HTT: variants seen among roughly 807,000 people sequenced by gnomAD.
The protein encoded by HTT is huntington disease protein.
Under a neutral mutation model 362.3 loss-of-function variants are expected in HTT, and 104 were observed. The ratio of observed to expected loss-of-function variants is 0.29; its 90% CI spans 0.24 to 0.34. The LOEUF (loss-of-function observed/expected upper bound fraction) is 0.34, where lower values mean the gene tolerates loss of function less well. Ranked by LOEUF, HTT falls within the 10% of genes least tolerant of loss-of-function variation. The pLI, the probability that HTT is intolerant of heterozygous loss-of-function variation, is 1.00. For synonymous variants in HTT, 1,577 were observed against 1,548.7 expected (o/e 1.02, Z -0.43); for missense variants, 3,301 against 3,928.6 (o/e 0.84, Z 4.27).
intron 23 of HTT, among the ~76,000 whole-genome samples, chr4:3,144,354 G>T (rs1311120268): frequency 6.6e-6 from 1 of 152,156 alleles, no homozygotes; most frequent in African/African-American, 2.4e-5. Context: ...ATCTCACTCT[G>T]TTGCCCAGGC....
chr4:3,134,435 G>C lies in HTT; in HGVS notation c.2528G>C (p.Ser843Thr), dbSNP rs754937373. The change falls in exon 19 of 67, where the codon AGT becomes ACT. Residue 843 changes from serine (S) to threonine (T), a missense_variant. By Grantham distance (58) the Ser-to-Thr change is moderately conservative (BLOSUM62 1). Coordinates refer to ENST00000355072, the MANE Select transcript of HTT (RefSeq NM_001388492.1). ...CVMSLCSSSY[S>T]ELGLQLIIDV... ...ATGAGTCTCTGCAGCAGCAGCTACAGTGAGTTAGGACTGCAGCTGATCATC... is the reference window on the plus strand; with the variant it reads ...ATGAGTCTCTGCAGCAGCAGCTACACTGAGTTAGGACTGCAGCTGATCATC... The C allele has an allele frequency of 6.2e-7, 1 of 1,614,138 alleles. No individual in the cohort carries two copies. The highest frequency in any genetic ancestry group is 8.5e-7 in the Non-Finnish European group (1 of 1,179,998).
intron 60 of HTT, among the ~76,000 whole-genome samples, chr4:3,232,682 C>T (rs1346355209): frequency 1.3e-5 from 2 of 152,244 alleles, no homozygotes; most frequent in Admixed American, 6.5e-5. Context: ...GCCCATGGGG[C>T]GATGTCCCGA....
Position 3,178,337 on chromosome 4 carries a change from G to A in HTT, c.4503G>A (p.Leu1501=). 3 of 1,610,230 alleles carry A rather than the reference G, an allele frequency of 1.9e-6. No individual in the cohort carries two copies. In the Admixed American group the frequency reaches 5.0e-5, roughly 27 times the overall value. ...EAIIPNIFFF[L]VLLSYERYHS... The stretch of plus-strand genomic sequence containing the variant: ...TCATTCCAAACATCTTTTTCTTCTT[G>A]GTATTACTATCTTATGAACGCTATC... Residue 1501 remains leucine, a synonymous_variant, in exon 35 of 67, where the codon TTG becomes TTA. Transcript: ENST00000355072.
intron 18 of HTT, 103 bp from the exon 19 acceptor site, chr4:3,134,298 C>A: frequency 1.0e-6 from 1 of 999,994 alleles, no homozygotes; most frequent in Non-Finnish European, 1.5e-6. Flanking sequence ...GCAGTTAAAC[C>A]CAGAACATTG....
rs112287988 is a variant in HTT at position 3,223,355 on chromosome 4, G to C, written c.7471-51G>C. On this transcript the variant is annotated intron_variant, in intron 54 of 66. Coordinates refer to ENST00000355072, the MANE Select transcript of HTT (RefSeq NM_001388492.1). ...AAGACTCTGGGTTCTGCAGGCAGAG[G>C]TGGTTGTGGGTGTCTTGCTGCTCTT... 9,844 of 1,508,770 alleles carry C rather than the reference G, an allele frequency of 6.5e-3. 436 individuals carry two copies. The African/African-American group carries it at 0.11, about 16-fold the overall frequency. The allele number at this position is 1,508,770 out of a possible 1,614,324, so 93.5% of individuals were successfully genotyped here.
intron 2 of HTT, among the ~76,000 whole-genome samples, chr4:3,097,409 A>G (rs1433517498): frequency 2.0e-5 from 3 of 152,198 alleles, no homozygotes. Context: ...AGGTGGACAG[A>G]TCACCTGAGG....
At chr4:3,222,569 C>A in intron 54 of HTT, 82 bp downstream of exon 54, 1 of 992,864 alleles carries the variant, frequency 1.0e-6, no homozygotes. Flanking sequence ...AATAAGGCAG[C>A]AAGCTGGTGT....
intron 29 of HTT, among the ~76,000 whole-genome samples, chr4:3,168,085 G>C (rs1418965479): frequency 6.6e-6 from 1 of 152,168 alleles, no homozygotes; most frequent in Non-Finnish European, 1.5e-5. Context: ...GTTTGCACTT[G>C]GCCCCTGACT....
rs1183132750 is a variant in HTT, at chr4:3,130,290, T to G, written c.1868-15T>G. The G allele has an allele frequency of 9.0e-6, 13 of 1,444,928 alleles. No individual in the cohort carries two copies. Among genetic ancestry groups the G allele is most frequent in the Non-Finnish European group, 1.1e-5 (12 of 1,053,114 alleles). 89.5% of individuals were successfully genotyped at this position (1,444,928 alleles called of 1,614,324 possible). A position where few individuals can be genotyped will look rare whatever the true frequency, so the allele number is the denominator to read the frequency against. On this transcript the variant is annotated splice_polypyrimidine_tract_variant and intron_variant, in intron 13 of 66. Coordinates refer to ENST00000355072, the MANE Select transcript of HTT (RefSeq NM_001388492.1). ...GGAAATTTGTCACTTAATCTTGATTTCTCTGTTTTTAAAGCCCTTCAACAG... is the reference window on the plus strand; with the variant it reads ...GGAAATTTGTCACTTAATCTTGATTGCTCTGTTTTTAAAGCCCTTCAACAG...
chr4:3,093,905 G>GTTTTTTTTTTTTTTTTTTTTTTTTT (rs67455911), intron 2 of HTT, among the ~76,000 whole-genome samples: 1 of 23,900 alleles, frequency 4.2e-5, no homozygotes, highest in African/African-American at 1.5e-4. Flanking sequence ...CTTTAAGTTG[G>GTTTTTTTTTTTTTTTTTTTTTTTTT]TTTTTTTTTT....
Position 3,241,490 on chromosome 4 carries a change from C to A in HTT, c.*1431C>A. 6.6e-6 allele frequency: 1 copy of A among 152,486 alleles called. No individual in the cohort carries two copies. The allele number at this position is 152,486 out of a possible 1,614,324, so 9.4% of individuals were successfully genotyped here. ...GAGCTGGATTTGGGAGCTCTGCTTG[C>A]CGACTGGCTGTGAGACGAGGCAGGG... On this transcript the variant is annotated 3_prime_UTR_variant, in exon 67 of 67. Coordinates refer to ENST00000355072, the MANE Select transcript of HTT (RefSeq NM_001388492.1).
At chr4:3,181,642 C>G (rs926574038) in intron 36 of HTT, among the ~76,000 whole-genome samples, 1 of 152,098 alleles carries the variant, frequency 6.6e-6, no homozygotes, top group African/African-American at 2.4e-5. Context: ...TTTCTTTGTT[C>G]ATTCATATTT....
At chr4:3,084,224 C>T (rs1465075237) in intron 1 of HTT, among the ~76,000 whole-genome samples, 8 of 106,984 alleles carry the variant, frequency 7.5e-5, no homozygotes, top group African/African-American at 1.5e-4. Context: ...TTTTTTTTGG[C>T]GACAGAGTCT....
chr4:3,213,089 G>C, intron 49 of HTT: 1 of 222,330 alleles, frequency 4.5e-6, no homozygotes, highest in Non-Finnish European at 9.0e-6. Flanking sequence ...CCCAGAATGT[G>C]TACACGTTCT....
rs1015743309 is a variant in HTT, at chr4:3,160,161, AGT to A, written c.3754-118_3754-117del. 4 of 632,822 alleles carry A rather than the reference AGT, an allele frequency of 6.3e-6. No homozygotes were observed. The African/African-American group carries it at 7.2e-5, about 11-fold the overall frequency. The allele number at this position is 632,822 out of a possible 1,614,324, so 39.2% of individuals were successfully genotyped here. ...ACACGCAGACACACCCTGCAAGGTG[AGT>A]GTACGGCGCCGCACAGTGGAGGCAT... On this transcript the variant is annotated intron_variant, in intron 28 of 66. Transcript: ENST00000355072.
chr4:3,131,879 C>G (rs1177055458), intron 16 of HTT, 104 bp downstream of exon 16: 2 of 1,114,056 alleles, frequency 1.8e-6, no homozygotes, highest in Non-Finnish European at 2.6e-6. Context: ...GTTTTGAGTT[C>G]ATTTGGGATA....
At chr4:3,121,939 CCCT>C (rs1715315739) in intron 9 of HTT, among the ~76,000 whole-genome samples, 3 of 152,112 alleles carry the variant, frequency 2.0e-5, no homozygotes, top group Admixed American at 1.3e-4. Flanking sequence ...CATTTAAAGC[CCCT>C]CCTCCTGATT....
chr4:3,220,348 C>T (rs771742380), intron 53 of HTT, 40 bp downstream of exon 53: 25 of 1,595,108 alleles, frequency 1.6e-5, no homozygotes, highest in Non-Finnish European at 2.1e-5. Flanking sequence ...CATTGTCGGA[C>T]ATCTACCGGG....
intron 47 of HTT, among the ~76,000 whole-genome samples, chr4:3,210,478 A>G (rs1296592759): frequency 6.6e-6 from 1 of 152,110 alleles, no homozygotes; most frequent in Non-Finnish European, 1.5e-5. Flanking sequence ...CTCTACTCAC[A>G]CCTCTGTTAG....
Sources: gnomAD v4.1 joint callset for allele counts (sites outside exome capture counted in the v4.1 genomes callset) on GRCh38, gnomAD v4.1.1 for gene constraint, MANE v1.5 for transcripts, NCBI Gene and HGNC (gene_info 2026-07-23, HGNC 2026-07-21) for gene names.